SLC49A4: variants seen among roughly 807,000 people sequenced by gnomAD.
The protein encoded by SLC49A4 is disrupted in renal cancer protein 2.
Under a neutral mutation model 50.6 loss-of-function variants are expected in SLC49A4, and 36 were observed. The observed-to-expected ratio is 0.71, with a 90% confidence interval of 0.55 to 0.94. The LOEUF is 0.94. Ranked by LOEUF, SLC49A4 falls within the 40% of genes least tolerant of loss-of-function variation. The probability of loss-of-function intolerance (pLI) is 0.00; values close to 1 mark genes in which losing one functional copy is unlikely to be tolerated. For missense variants in SLC49A4, 503 were observed against 605.7 expected, an observed-to-expected ratio of 0.83 and a Z score of 1.78; for synonymous variants, 248 against 241.2, an observed-to-expected ratio of 1.03 and a Z score of -0.26.
chr3:122,860,376 T>G (rs1937046859), intron 7 of SLC49A4, among the ~76,000 whole-genome samples, 174 bp downstream of exon 7: 1 of 152,204 alleles, frequency 6.6e-6, no homozygotes, highest in Non-Finnish European at 1.5e-5. Context: ...AAAAAATAAC[T>G]AAAAATATTT....
chr3:122,819,614 A>AAGG (rs1936423032), intron 2 of SLC49A4, among the ~76,000 whole-genome samples: 1 of 152,200 alleles, frequency 6.6e-6, no homozygotes, highest in Non-Finnish European at 1.5e-5. Context: ...GTGAAAGAAA[A>AAGG]CTGAGGCTGT....
intron 4 of SLC49A4, among the ~76,000 whole-genome samples, chr3:122,838,352 T>C (rs1484141341): frequency 2.6e-5 from 4 of 152,094 alleles, no homozygotes; most frequent in Non-Finnish European, 5.9e-5. Flanking sequence ...ATGGCACATA[T>C]ACACCATGGA....
intron 2 of SLC49A4, among the ~76,000 whole-genome samples, chr3:122,818,632 A>G (rs1166704894): frequency 6.6e-6 from 1 of 152,192 alleles, no homozygotes. Context: ...AGATTATTGT[A>G]TATGACCTTA....
intron 3 of SLC49A4, among the ~76,000 whole-genome samples, chr3:122,828,864 C>G (rs781563842): frequency 3.9e-5 from 6 of 151,932 alleles, no homozygotes; most frequent in Non-Finnish European, 7.4e-5. Context: ...TATTGAAAAC[C>G]TAAGCAATGA....
At chr3:122,813,702 A>T (rs1576293304) in intron 2 of SLC49A4, among the ~76,000 whole-genome samples, 1 of 152,240 alleles carries the variant, frequency 6.6e-6, no homozygotes, top group East Asian at 1.9e-4. Flanking sequence ...TTAAAACTTT[A>T]TCTGCAACAA....
At chr3:122,811,485 C>T (rs2107559103) in intron 2 of SLC49A4, among the ~76,000 whole-genome samples, 1 of 152,182 alleles carries the variant, frequency 6.6e-6, no homozygotes, top group East Asian at 1.9e-4. Flanking sequence ...CAGTTTGGGG[C>T]ATCATCCTAT....
intron 1 of SLC49A4, among the ~76,000 whole-genome samples, chr3:122,796,520 A>G (rs1936042998): frequency 6.6e-6 from 1 of 152,194 alleles, no homozygotes; most frequent in East Asian, 1.9e-4. Context: ...ATGAAGGCTC[A>G]GGCAGAATCG....
At chr3:122,803,240 T>G (rs929474911) in intron 1 of SLC49A4, among the ~76,000 whole-genome samples, 1 of 152,160 alleles carries the variant, frequency 6.6e-6, no homozygotes, top group East Asian at 1.9e-4. Flanking sequence ...AGAGTAGGAA[T>G]GATCTGGAAG....
At chr3:122,861,921 T>G (rs1937061380) in intron 7 of SLC49A4, among the ~76,000 whole-genome samples, 1 of 152,234 alleles carries the variant, frequency 6.6e-6, no homozygotes, top group Non-Finnish European at 1.5e-5. Context: ...CAGCATTAGA[T>G]TCTGCTGCAT....
intron 2 of SLC49A4, among the ~76,000 whole-genome samples, chr3:122,826,400 C>T (rs1041255549): frequency 3.3e-5 from 5 of 152,242 alleles, no homozygotes; most frequent in East Asian, 1.9e-4. Context: ...TGCCTGTCAG[C>T]GCTTGGGCAA....
chr3:122,817,801 C>T (rs1054480624), intron 2 of SLC49A4, among the ~76,000 whole-genome samples: 3 of 124,126 alleles, frequency 2.4e-5, no homozygotes, highest in African/African-American at 9.4e-5. Flanking sequence ...CACTATGTTG[C>T]CCAGGCTGGT....
At chr3:122,827,175 A>G in intron 3 of SLC49A4, 110 bp downstream of exon 3, 1 of 1,221,566 alleles carries the variant, frequency 8.2e-7, no homozygotes, top group East Asian at 2.5e-5. Flanking sequence ...GAGAGGACTA[A>G]TATGTAAATT....
At chr3:122,809,252 A>G (rs1298169592) in intron 2 of SLC49A4, among the ~76,000 whole-genome samples, 2 of 152,214 alleles carry the variant, frequency 1.3e-5, no homozygotes, top group Admixed American at 1.3e-4. Flanking sequence ...CTAGGTTCCT[A>G]TGGAAAGCTA....
At chr3:122,810,617 C>G (rs1004134945) in intron 2 of SLC49A4, among the ~76,000 whole-genome samples, 1 of 152,222 alleles carries the variant, frequency 6.6e-6, no homozygotes, top group Non-Finnish European at 1.5e-5. Flanking sequence ...GATGCATGTG[C>G]AGGATGTGCA....
At chr3:122,877,177 T>A (rs1937276777) in intron 8 of SLC49A4, among the ~76,000 whole-genome samples, 1 of 152,326 alleles carries the variant, frequency 6.6e-6, no homozygotes, top group East Asian at 1.9e-4. Context: ...GCAAGTCATT[T>A]CCTTGCTTAT....
chr3:122,796,700 C>T (rs1025504676), intron 1 of SLC49A4, among the ~76,000 whole-genome samples: 2 of 152,178 alleles, frequency 1.3e-5, no homozygotes, highest in Admixed American at 1.3e-4. Context: ...CCTTCTTATT[C>T]CATCATTTTG....
At chr3:122,833,539 G>A (rs1283162012) in intron 4 of SLC49A4, 93 bp downstream of exon 4, 4 of 1,223,516 alleles carry the variant, frequency 3.3e-6, no homozygotes, top group Non-Finnish European at 4.5e-6. Context: ...TAATTTTTCA[G>A]CAACCTATTA....
At chr3:122,870,672 G>C (rs1208069987) in intron 7 of SLC49A4, among the ~76,000 whole-genome samples, 1 of 151,438 alleles carries the variant, frequency 6.6e-6, no homozygotes, top group Non-Finnish European at 1.5e-5. Flanking sequence ...ATTTAGCTTG[G>C]CATGGTGGCA....
intron 4 of SLC49A4, among the ~76,000 whole-genome samples, chr3:122,836,218 T>A (rs990207455): frequency 1.3e-5 from 2 of 152,150 alleles, no homozygotes; most frequent in African/African-American, 2.4e-5. Context: ...TTGTTGAATT[T>A]TGTCAAAGGC....
Sources: allele counts gnomAD v4.1 joint callset (sites outside exome capture counted in the v4.1 genomes callset), GRCh38; gene constraint gnomAD v4.1.1; transcripts MANE v1.5; gene names NCBI Gene and HGNC (gene_info 2026-07-23, HGNC 2026-07-21).